The following NPAS2 variants were observed in gnomAD, a reference collection of about 807,000 sequenced individuals.
NPAS2 encodes neuronal PAS domain-containing protein 2.
Under a neutral mutation model 107.5 loss-of-function variants are expected in NPAS2, and 23 were observed. The ratio of observed to expected loss-of-function variants is 0.21; its 90% CI spans 0.15 to 0.30. The LOEUF is 0.30. Among genes scored for constraint, NPAS2 ranks in the 10% least tolerant of loss-of-function variants. The pLI is 1.00. For synonymous variants in NPAS2, 403 were observed against 417.5 expected (o/e 0.97, Z 0.42); for missense variants, 756 against 1,043.3 (o/e 0.72, Z 3.79).
intron 1 of NPAS2, among the ~76,000 whole-genome samples, chr2:100,842,610 G>A (rs912135207): frequency 5.3e-5 from 8 of 152,118 alleles, no homozygotes; most frequent in African/African-American, 1.7e-4. Context: ...TGCAAGGTGG[G>A]CAGCATCTCA....
chr2:100,898,052 A>G (rs1681526633), intron 1 of NPAS2, among the ~76,000 whole-genome samples: 2 of 152,092 alleles, frequency 1.3e-5, no homozygotes, highest in East Asian at 1.9e-4. Flanking sequence ...CCCAAATTCA[A>G]TTCATTCTCA....
At position 100,940,060 on chromosome 2, in the gene NPAS2, C is replaced by T. The variant is rs575510773; in HGVS notation, c.363+2218C>T. ...TTAACTGCAATTTACTTTCAGCTTT[C>T]ATTATCCAGTTTTCACCAGGATCTT... On this transcript the variant is annotated intron_variant, in intron 5 of 20. Coordinates refer to ENST00000335681, the MANE Select transcript of NPAS2 (RefSeq NM_002518.4). Among the ~76,000 whole-genome samples, 54 of 152,338 alleles carry T rather than the reference C, an allele frequency of 3.5e-4. No homozygotes were observed. The South Asian group carries it at 0.011, about 31-fold the overall frequency.
At chr2:100,875,837 G>C (rs981730145) in intron 1 of NPAS2, among the ~76,000 whole-genome samples, 3 of 152,130 alleles carry the variant, frequency 2.0e-5, no homozygotes, top group African/African-American at 7.2e-5. Flanking sequence ...AGTAACAAAA[G>C]GGGAGACGGA....
intron 1 of NPAS2, among the ~76,000 whole-genome samples, chr2:100,879,129 A>G (rs558617010): frequency 6.6e-6 from 1 of 152,174 alleles, no homozygotes; most frequent in Non-Finnish European, 1.5e-5. Context: ...AAAGAAAAAA[A>G]AAAAAAGCCT....
chr2:100,979,822 G>A lies in NPAS2; in HGVS notation c.1482+2023G>A, dbSNP rs144950851. Among the ~76,000 whole-genome samples the A allele has an allele frequency of 5.5e-3, 842 of 152,126 alleles. 4 individuals are homozygous for A. Among genetic ancestry groups the A allele is most frequent in the Middle Eastern group, 0.01 (3 of 294 alleles). On this transcript the variant is annotated intron_variant, in intron 15 of 20. Transcript: ENST00000335681. ...TGGGATTACAGGCGTGAGCCACCACGCCCAGCCAATAACTATATTCTTTAA... is the reference window on the plus strand; with the variant it reads ...TGGGATTACAGGCGTGAGCCACCACACCCAGCCAATAACTATATTCTTTAA...
intron 2 of NPAS2, among the ~76,000 whole-genome samples, chr2:100,920,080 T>C (rs558739187): frequency 6.6e-6 from 1 of 152,224 alleles, no homozygotes; most frequent in African/African-American, 2.4e-5. Flanking sequence ...GAACAAATAC[T>C]CTTCCTGTCT....
intron 1 of NPAS2, among the ~76,000 whole-genome samples, chr2:100,894,479 A>T (rs1573564009): frequency 6.6e-6 from 1 of 152,314 alleles, no homozygotes; most frequent in Middle Eastern, 3.4e-3. Flanking sequence ...AGCTCCATTG[A>T]GTTCCCAAGG....
intron 7 of NPAS2, among the ~76,000 whole-genome samples, chr2:100,957,896 C>G (rs1675672508): frequency 6.6e-6 from 1 of 152,202 alleles, no homozygotes; most frequent in Non-Finnish European, 1.5e-5. Context: ...CCACTGCACT[C>G]CAGCCTGGGC....
chr2:100,857,151 C>T (rs572683920), intron 1 of NPAS2, among the ~76,000 whole-genome samples: 3 of 152,098 alleles, frequency 2.0e-5, no homozygotes, highest in East Asian at 3.9e-4. Flanking sequence ...ACTAAAAATA[C>T]AAAAATTAGC....
intron 3 of NPAS2, among the ~76,000 whole-genome samples, chr2:100,929,134 G>C (rs1031149281): frequency 1.3e-5 from 2 of 152,178 alleles, no homozygotes; most frequent in Admixed American, 1.3e-4. Flanking sequence ...CGAACTCCTG[G>C]CCTCAAGTGA....
rs572932581 is a variant in NPAS2 at position 100,860,878 on chromosome 2, T to C, written c.-23+40464T>C. Among the ~76,000 whole-genome samples the C allele has an allele frequency of 2.0e-5, 3 of 152,022 alleles. No individual in the cohort carries two copies. In the East Asian group the frequency reaches 5.8e-4, roughly 29 times the overall value. The stretch of plus-strand genomic sequence containing the variant: ...ATGGTTTTTTTTTATTGTTTGTTGT[T>C]GTTGTTTGTTTGTTTGTTTTGTTTT... On this transcript the variant is annotated intron_variant, in intron 1 of 20. Transcript: ENST00000335681.
rs1006670206 is a variant in NPAS2 at position 100,968,735 on chromosome 2, G to T, written c.1055+307G>T. On this transcript the variant is annotated intron_variant, in intron 11 of 20. Coordinates refer to ENST00000335681, the MANE Select transcript of NPAS2 (RefSeq NM_002518.4). The surrounding 1 kb of genome is among the most constrained non-coding windows in gnomAD (Gnocchi z 5.3). ...TTACTTAGTAAGTGACTGCTTCACT[G>T]ACCTACTTACATATTTTCCCATCTC... Among the ~76,000 whole-genome samples the T allele has an allele frequency of 6.6e-6, 1 of 152,108 alleles. No homozygotes were observed. Among genetic ancestry groups the T allele is most frequent in the African/African-American group, 2.4e-5 (1 of 41,408 alleles).
chr2:100,975,611 T>G (rs371294832), intron 14 of NPAS2, 44 bp downstream of exon 14: 1 of 1,418,838 alleles, frequency 7.0e-7, no homozygotes, highest in Non-Finnish European at 9.7e-7. Flanking sequence ...TACGCTACAA[T>G]GTGGTGGGGG....
intron 2 of NPAS2, among the ~76,000 whole-genome samples, chr2:100,922,814 C>T (rs1053462865): frequency 2.0e-5 from 3 of 152,224 alleles, no homozygotes; most frequent in Admixed American, 6.5e-5. Flanking sequence ...CGGATGGAAA[C>T]AAGCTTGTGT....
chr2:100,908,438 C>G (rs1259396629), intron 2 of NPAS2, among the ~76,000 whole-genome samples: 1 of 152,094 alleles, frequency 6.6e-6, no homozygotes, highest in East Asian at 1.9e-4. Context: ...GATTGCACAG[C>G]CAGTTGGCAG....
chr2:100,968,973 G>A lies in NPAS2; in HGVS notation c.1055+545G>A, dbSNP rs1406192812. On this transcript the variant is annotated intron_variant, in intron 11 of 20. Transcript: ENST00000335681. This position sits in a 1 kb window ranked among gnomAD's most constrained non-coding sequence, Gnocchi z 5.3. ...TCAGGGAGCCCTCCACCCAGGGCGG[G>A]TGAGCAGGACTTTAAAGAGACGCGG... is the stretch of plus-strand genomic sequence containing the variant. Among the ~76,000 whole-genome samples the A allele has an allele frequency of 6.6e-6, 1 of 152,210 alleles. No homozygotes were observed.
Position 100,867,696 on chromosome 2 carries a change from T to TTTTTG in NPAS2, c.-22-37022_-22-37018dup, listed in dbSNP as rs544441781. Among the ~76,000 whole-genome samples the TTTTTG allele has an allele frequency of 1.8e-4, 28 of 152,224 alleles. No individual in the cohort carries two copies. In the East Asian group the frequency reaches 4.6e-3, roughly 25 times the overall value. The stretch of plus-strand genomic sequence containing the variant: ...ATGTTTATTATGATTACTAAAGTAC[T>TTTTTG]TTTTGTTTTGTTTTGTTTTTGTTTT... On this transcript the variant is annotated intron_variant, in intron 1 of 20. Coordinates refer to ENST00000335681, the MANE Select transcript of NPAS2 (RefSeq NM_002518.4).
At chr2:100,821,854 G>A (rs1480850870) in intron 1 of NPAS2, among the ~76,000 whole-genome samples, 1 of 152,132 alleles carries the variant, frequency 6.6e-6, no homozygotes, top group African/African-American at 2.4e-5. Flanking sequence ...CCTGACCTGC[G>A]CCACTATTTT....
chr2:100,913,447 A>C (rs1682675954), intron 2 of NPAS2, among the ~76,000 whole-genome samples: 2 of 152,304 alleles, frequency 1.3e-5, no homozygotes. Context: ...TAGTGGAGCC[A>C]GTTTAAAAGA....
Sources: allele counts gnomAD v4.1 joint callset (sites outside exome capture counted in the v4.1 genomes callset), GRCh38; gene constraint gnomAD v4.1.1; non-coding constraint Gnocchi (gnomAD v3.1); transcripts MANE v1.5; gene names NCBI Gene and HGNC (gene_info 2026-07-23, HGNC 2026-07-21).